The following NDST4 variants were observed in gnomAD, a reference collection of about 807,000 sequenced individuals.
NDST4 encodes the protein N-deacetylase and N-sulfotransferase 4.
In NDST4, 63 loss-of-function variants were observed where a neutral mutation model predicts 100.8. The ratio of observed to expected loss-of-function variants is 0.62; its 90% CI spans 0.51 to 0.77. The LOEUF is 0.77. Among genes scored for constraint, NDST4 ranks in the 30% least tolerant of loss-of-function variants. The pLI, the probability that NDST4 is intolerant of heterozygous loss-of-function variation, is 0.00. For missense variants in NDST4, 943 were observed against 1,018.4 expected (o/e 0.93, Z 1.01); for synonymous variants, 377 against 361.8 (o/e 1.04, Z -0.48).
intron 6 of NDST4, among the ~76,000 whole-genome samples, chr4:114,931,562 CT>C: frequency 6.6e-6 from 1 of 151,244 alleles, no homozygotes. Flanking sequence ...ATCAATGAAA[CT>C]AAGAGTTGGA....
chr4:115,027,668 G>A (rs28622422), intron 2 of NDST4, among the ~76,000 whole-genome samples: 2,490 of 152,052 alleles, frequency 0.016, 65 homozygotes, highest in African/African-American at 0.057. Context: ...AATTTCATAC[G>A]TACTGTATTT....
rs1325795486 is a variant in NDST4, at chr4:115,033,129, GTGTATA to G, written c.978+42924_978+42929del. Among the ~76,000 whole-genome samples the G allele has an allele frequency of 7.2e-3, 404 of 55,878 alleles. 3 individuals are homozygous for G. The highest frequency in any genetic ancestry group is 0.022 in the African/African-American group (306 of 13,914). The allele number at this position is 55,878 out of a possible 152,430, so 36.7% of individuals were successfully genotyped here. On this transcript the variant is annotated intron_variant, in intron 2 of 13. Transcript: ENST00000264363. ...TTGAATGCAAAAATTATATATATAT[GTGTATA>G]TATATATATATATATATATATATTT...
intron 6 of NDST4, among the ~76,000 whole-genome samples, chr4:114,915,027 A>G (rs1029931593): frequency 6.6e-6 from 1 of 152,170 alleles, no homozygotes; most frequent in African/African-American, 2.4e-5. Flanking sequence ...ACTATTTTTA[A>G]TGAATTAAAA....
At chr4:114,951,263 T>C (rs1725984545) in intron 4 of NDST4, among the ~76,000 whole-genome samples, 1 of 152,108 alleles carries the variant, frequency 6.6e-6, no homozygotes, top group Admixed American at 6.6e-5. Context: ...CCATGTTCTT[T>C]TTTCTTGGAA....
intron 6 of NDST4, among the ~76,000 whole-genome samples, chr4:114,934,029 T>C (rs939149109): frequency 1.3e-5 from 2 of 152,206 alleles, no homozygotes; most frequent in African/African-American, 2.4e-5. Context: ...GTTCAAGACA[T>C]ACCTGCATTC....
intron 1 of NDST4, among the ~76,000 whole-genome samples, chr4:115,102,227 G>C (rs1057338946): frequency 9.2e-5 from 14 of 152,028 alleles, no homozygotes; most frequent in Non-Finnish European, 1.6e-4. Flanking sequence ...AATCATGGAA[G>C]CAGTTATCCA....
At chr4:115,084,770 A>T (rs1280077537) in intron 1 of NDST4, among the ~76,000 whole-genome samples, 4 of 152,124 alleles carry the variant, frequency 2.6e-5, no homozygotes, top group African/African-American at 9.7e-5. Flanking sequence ...AATTCAGAGG[A>T]TGTATGGAAA....
rs557457901 is a variant in NDST4 at position 114,849,116 on chromosome 4, C to A, written c.1817-778G>T. ...ACTTCTCTGGCAAAATATGACAAGT[C>A]TGATAATTGGAGCACTAGATAGAGC... On this transcript the variant is annotated intron_variant, in intron 8 of 13. Coordinates refer to ENST00000264363, the MANE Select transcript of NDST4 (RefSeq NM_022569.3). Among the ~76,000 whole-genome samples, 24 of 152,280 alleles carry A rather than the reference C, an allele frequency of 1.6e-4. No homozygotes were observed. In the South Asian group the frequency reaches 3.7e-3, roughly 24 times the overall value.
chr4:114,992,661 T>C (rs1199175573), intron 2 of NDST4, among the ~76,000 whole-genome samples: 1 of 151,842 alleles, frequency 6.6e-6, no homozygotes, highest in Non-Finnish European at 1.5e-5. Context: ...GTGGATACTA[T>C]GCATAATCTC....
intron 2 of NDST4, among the ~76,000 whole-genome samples, chr4:115,037,118 T>C (rs989926126): frequency 6.6e-6 from 1 of 151,886 alleles, no homozygotes; most frequent in African/African-American, 2.4e-5. Context: ...ATCAATGAGG[T>C]TGTGATTCCA....
chr4:114,871,641 G>T (rs939362017), intron 6 of NDST4, among the ~76,000 whole-genome samples: 1 of 151,938 alleles, frequency 6.6e-6, no homozygotes, highest in African/African-American at 2.4e-5. Context: ...AGTTCATTAG[G>T]CATTGCAGCA....
chr4:115,083,010 C>T (rs1476395133), intron 1 of NDST4, among the ~76,000 whole-genome samples: 1 of 152,206 alleles, frequency 6.6e-6, no homozygotes, highest in Non-Finnish European at 1.5e-5. Context: ...AATAATTTCA[C>T]TGACCTTGAC....
At chr4:114,992,425 T>C (rs1727059599) in intron 2 of NDST4, among the ~76,000 whole-genome samples, 1 of 151,948 alleles carries the variant, frequency 6.6e-6, no homozygotes, top group Non-Finnish European at 1.5e-5. Context: ...TTACAATTTA[T>C]GAATGAATGT....
Position 114,839,403 on chromosome 4 carries a change from C to T in NDST4, c.2261G>A (p.Trp754Ter). The T allele has an allele frequency of 6.2e-7, 1 of 1,611,064 alleles. No homozygotes were observed. The highest frequency in any genetic ancestry group is 1.1e-5 in the South Asian group (1 of 90,494). ...CTGAGAAGTAGCAAAGTAAGTTAGC[C>T]ATCTTTCTATGTGGACTGCATACCA... ...PGWYAVHIER[W>*]LTYFATSQLL... Residue 754 changes from tryptophan to a stop codon, truncating the protein, a stop_gained, in exon 11 of 14, where the codon TGG (tryptophan) becomes TAG (stop). Coordinates refer to ENST00000264363, the MANE Select transcript of NDST4 (RefSeq NM_022569.3). LOFTEE classifies it high-confidence loss of function.
At chr4:115,016,995 ATG>A (rs140090585) in intron 2 of NDST4, among the ~76,000 whole-genome samples, 4,852 of 145,470 alleles carry the variant, frequency 0.033, 153 homozygotes, top group African/African-American at 0.078. Flanking sequence ...TCATGTGTGT[ATG>A]TGTGTGTGTG....
intron 7 of NDST4, among the ~76,000 whole-genome samples, chr4:114,866,684 T>G (rs1363779510): frequency 6.6e-6 from 1 of 152,002 alleles, no homozygotes; most frequent in Non-Finnish European, 1.5e-5. Context: ...CAAGCATAAG[T>G]GTCTGCAATT....
chr4:115,070,841 A>G (rs1729060335), intron 2 of NDST4, among the ~76,000 whole-genome samples: 1 of 152,172 alleles, frequency 6.6e-6, no homozygotes, highest in Non-Finnish European at 1.5e-5. Flanking sequence ...ACGGTGGCTC[A>G]TGCCTGTAAT....
chr4:115,096,815 C>T (rs1164923387), intron 1 of NDST4, among the ~76,000 whole-genome samples: 2 of 152,090 alleles, frequency 1.3e-5, no homozygotes, highest in Non-Finnish European at 2.9e-5. Context: ...GTTTGAAATG[C>T]TAAGTCCAAT....
At chr4:115,022,473 G>GTA (rs1727876246) in intron 2 of NDST4, among the ~76,000 whole-genome samples, 1 of 63,340 alleles carries the variant, frequency 1.6e-5, no homozygotes, top group Non-Finnish European at 3.5e-5. Context: ...CCATATATAT[G>GTA]TGTTCCATAT....
Sources: gnomAD v4.1 joint callset for allele counts (sites outside exome capture counted in the v4.1 genomes callset) on GRCh38, gnomAD v4.1.1 for gene constraint, MANE v1.5 for transcripts, NCBI Gene and HGNC (gene_info 2026-07-23, HGNC 2026-07-21) for gene names.